Variants in SLC24A4 observed in about 807,000 individuals in gnomAD.
SLC24A4 encodes the protein sodium/potassium/calcium exchanger 4.
A neutral mutation model predicts 79.0 loss-of-function variants in SLC24A4; 53 were observed. The observed-to-expected ratio is 0.67, with a 90% confidence interval of 0.54 to 0.84. SLC24A4 has a LOEUF of 0.84. Among genes scored for constraint, SLC24A4 ranks in the 40% least tolerant of loss-of-function variants. The pLI, the probability that SLC24A4 is intolerant of heterozygous loss-of-function variation, is 0.00. For missense variants in SLC24A4, 731 were observed against 822.0 expected (o/e 0.89, Z 1.35); for synonymous variants, 323 against 323.8 (o/e 1.00, Z 0.03).
At chr14:92,438,978 G>A (rs1595281003) in intron 3 of SLC24A4, among the ~76,000 whole-genome samples, 1 of 152,188 alleles carries the variant, frequency 6.6e-6, no homozygotes, top group Non-Finnish European at 1.5e-5. Flanking sequence ...TCATTAACCT[G>A]TAGAAGATAT....
At chr14:92,362,691 C>T (rs148725513) in intron 2 of SLC24A4, among the ~76,000 whole-genome samples, 44 of 152,328 alleles carry the variant, frequency 2.9e-4, no homozygotes, top group South Asian at 1.7e-3. Flanking sequence ...GTGATCCCCC[C>T]GAGGCGGCAC....
intron 2 of SLC24A4, among the ~76,000 whole-genome samples, chr14:92,423,133 A>T (rs905761678): frequency 5.8e-5 from 6 of 102,612 alleles, no homozygotes; most frequent in East Asian, 2.6e-4. Context: ...TATTTAATTT[A>T]ATTTTATTTC....
intron 2 of SLC24A4, among the ~76,000 whole-genome samples, chr14:92,334,038 G>A (rs762277727): frequency 3.9e-5 from 6 of 152,196 alleles, no homozygotes; most frequent in Non-Finnish European, 7.3e-5. Flanking sequence ...AGTGGGTGAG[G>A]AGGTGCAATG....
At chr14:92,418,556 G>A (rs1410320306) in intron 2 of SLC24A4, among the ~76,000 whole-genome samples, 1 of 152,040 alleles carries the variant, frequency 6.6e-6, no homozygotes, top group East Asian at 1.9e-4. Flanking sequence ...ATGATTATAG[G>A]GGCTGGCAAG....
intron 2 of SLC24A4, among the ~76,000 whole-genome samples, chr14:92,331,597 C>G (rs1363111640): frequency 6.6e-6 from 1 of 152,194 alleles, no homozygotes; most frequent in Non-Finnish European, 1.5e-5. Flanking sequence ...GGCACTAATT[C>G]TATCCATTAC....
At chr14:92,483,159 G>T (rs886749886) in intron 13 of SLC24A4, among the ~76,000 whole-genome samples, 1 of 152,114 alleles carries the variant, frequency 6.6e-6, no homozygotes, top group African/African-American at 2.4e-5. Flanking sequence ...TGATCACCAA[G>T]CCCCCTTGGT....
chr14:92,351,468 G>GA (rs1023059650), intron 2 of SLC24A4, among the ~76,000 whole-genome samples: 1 of 151,910 alleles, frequency 6.6e-6, no homozygotes, highest in Admixed American at 6.6e-5. Context: ...ATTGTTACAT[G>GA]AAAAAAAATA....
intron 2 of SLC24A4, among the ~76,000 whole-genome samples, chr14:92,342,920 G>T (rs1886249424): frequency 6.6e-6 from 1 of 152,240 alleles, no homozygotes; most frequent in Admixed American, 6.5e-5. Context: ...GAACAAGGGT[G>T]TTTTCCAGTC....
chr14:92,474,863 A>ATATATATATATATATTTT (rs36185636), intron 12 of SLC24A4, among the ~76,000 whole-genome samples: 9 of 57,120 alleles, frequency 1.6e-4, no homozygotes, highest in Admixed American at 4.3e-4. Flanking sequence ...ATATATATAT[A>ATATATATATATATATTTT]TTTTTTTTTT....
intron 12 of SLC24A4, among the ~76,000 whole-genome samples, chr14:92,476,813 T>G (rs1894790876): frequency 6.6e-6 from 1 of 152,222 alleles, no homozygotes. Context: ...ATATGGCCTT[T>G]TGTGTCTGAC....
At chr14:92,414,460 G>T (rs952483490) in intron 2 of SLC24A4, among the ~76,000 whole-genome samples, 1 of 152,182 alleles carries the variant, frequency 6.6e-6, no homozygotes, top group Non-Finnish European at 1.5e-5. Context: ...GAAAAAACTG[G>T]CATGGTGGCT....
rs552274589 is a variant in SLC24A4 at position 92,473,164 on chromosome 14, T to C, written c.1256-9516T>C. On this transcript the variant is annotated intron_variant, in intron 12 of 16. Coordinates refer to ENST00000532405, the MANE Select transcript of SLC24A4 (RefSeq NM_153646.4). ...CTGATTAAAACAAATTCTGGCTACA[T>C]TTAAAAACACATTTGATGTGGGTTT... Among the ~76,000 whole-genome samples the C allele has an allele frequency of 2.0e-5, 3 of 152,360 alleles. No individual in the cohort carries two copies. The East Asian group carries it at 5.8e-4, about 29-fold the overall frequency.
chr14:92,436,724 G>A (rs1451189414), intron 3 of SLC24A4, among the ~76,000 whole-genome samples: 2 of 152,150 alleles, frequency 1.3e-5, no homozygotes, highest in South Asian at 2.1e-4. Flanking sequence ...AAATCGGGGC[G>A]CCATCTTGGC....
intron 2 of SLC24A4, among the ~76,000 whole-genome samples, chr14:92,392,906 G>A (rs1889558564): frequency 6.6e-6 from 1 of 152,112 alleles, no homozygotes; most frequent in East Asian, 1.9e-4. Context: ...CACATAGGAG[G>A]CATCATCTAT....
At chr14:92,419,903 T>G (rs1194121824) in intron 2 of SLC24A4, among the ~76,000 whole-genome samples, 1 of 152,202 alleles carries the variant, frequency 6.6e-6, no homozygotes, top group African/African-American at 2.4e-5. Context: ...GCAGATGTAC[T>G]TGGTCGAGAA....
intron 10 of SLC24A4, chr14:92,450,581 G>C (rs1455255580): frequency 6.6e-6 from 1 of 152,466 alleles, no homozygotes; most frequent in African/African-American, 2.4e-5. Context: ...CTCAGAAGGG[G>C]AAGGAGCCAT....
intron 2 of SLC24A4, among the ~76,000 whole-genome samples, chr14:92,423,577 G>A (rs952523710): frequency 4.6e-5 from 7 of 152,224 alleles, no homozygotes; most frequent in Non-Finnish European, 8.8e-5. Context: ...AAAGAGAGTA[G>A]AGACACAACT....
chr14:92,482,175 T>C (rs564155032), intron 12 of SLC24A4, among the ~76,000 whole-genome samples: 1 of 152,394 alleles, frequency 6.6e-6, no homozygotes, highest in East Asian at 1.9e-4. Flanking sequence ...CTTTCTCATT[T>C]AACAGATGAG....
At chr14:92,443,578 C>T (rs934275974) in intron 7 of SLC24A4, 104 bp downstream of exon 7, 7 of 1,178,524 alleles carry the variant, frequency 5.9e-6, no homozygotes, top group Non-Finnish European at 8.6e-6. Flanking sequence ...AGAGGACTCA[C>T]AGCACACAAT....
Sources: allele counts gnomAD v4.1 joint callset (sites outside exome capture counted in the v4.1 genomes callset), GRCh38; gene constraint gnomAD v4.1.1; transcripts MANE v1.5; gene names NCBI Gene and HGNC (gene_info 2026-07-23, HGNC 2026-07-21).